The following DIAPH3 variants were observed in gnomAD, a reference collection of about 807,000 sequenced individuals.
The protein encoded by DIAPH3 is protein diaphanous homolog 3.
A neutral mutation model predicts 144.3 loss-of-function variants in DIAPH3; 117 were observed. That is an observed-to-expected ratio of 0.81 (90% CI 0.70 to 0.95). The LOEUF (loss-of-function observed/expected upper bound fraction) is 0.95, where lower values mean the gene tolerates loss of function less well. Among genes scored for constraint, DIAPH3 ranks in the 40% least tolerant of loss-of-function variants. DIAPH3 has a pLI of 0.00. For missense variants in DIAPH3, 1,421 were observed against 1,412.7 expected, an observed-to-expected ratio of 1.01 and a Z score of -0.09; for synonymous variants, 519 against 488.9, an observed-to-expected ratio of 1.06 and a Z score of -0.81.
At chr13:59,862,682 C>T (rs1052282055) in intron 21 of DIAPH3, among the ~76,000 whole-genome samples, 1 of 152,136 alleles carries the variant, frequency 6.6e-6, no homozygotes, top group African/African-American at 2.4e-5. Context: ...AAAGAATATA[C>T]ATTTATCTAT....
At chr13:60,050,601 G>A (rs945940300) in intron 4 of DIAPH3, among the ~76,000 whole-genome samples, 2 of 152,168 alleles carry the variant, frequency 1.3e-5, no homozygotes, top group African/African-American at 4.8e-5. Flanking sequence ...AGATGCAACT[G>A]AGACCATATG....
At chr13:59,782,288 C>T (rs996846258) in intron 25 of DIAPH3, among the ~76,000 whole-genome samples, 3 of 152,014 alleles carry the variant, frequency 2.0e-5, no homozygotes, top group Admixed American at 2.0e-4. Flanking sequence ...AGGGGTAATC[C>T]ACACAAGGTG....
intron 4 of DIAPH3, among the ~76,000 whole-genome samples, chr13:60,080,981 C>T (rs1404157409): frequency 6.6e-6 from 1 of 151,910 alleles, no homozygotes; most frequent in African/African-American, 2.4e-5. Flanking sequence ...ATCTGAGAAA[C>T]ATGATTCTGA....
intron 25 of DIAPH3, among the ~76,000 whole-genome samples, chr13:59,780,930 T>G (rs887041757): frequency 1.3e-5 from 2 of 152,160 alleles, no homozygotes; most frequent in African/African-American, 4.8e-5. Flanking sequence ...TTTTTGGAAG[T>G]CATTTCCATA....
chr13:60,047,603 T>C (rs1053592318), intron 4 of DIAPH3, among the ~76,000 whole-genome samples: 1 of 152,244 alleles, frequency 6.6e-6, no homozygotes, highest in African/African-American at 2.4e-5. Flanking sequence ...GCTAGAACAA[T>C]TGGACTTTCA....
At position 59,835,358 on chromosome 13, in the gene DIAPH3, T is replaced by C. The variant is rs565890265; in HGVS notation, c.2863-2087A>G. ...CAGATTTTTAACATAGTAATAAGTA[T>C]GATGTAGAAAAAAAATATGATATTA... On this transcript the variant is annotated intron_variant, in intron 23 of 27. Transcript: ENST00000400324. 9.3e-5 allele frequency among the ~76,000 whole-genome samples: 14 copies of C among 151,088 alleles called. No homozygotes were observed. The East Asian group carries it at 2.6e-3, about 28-fold the overall frequency.
chr13:59,804,916 T>G (rs565398296), intron 25 of DIAPH3, among the ~76,000 whole-genome samples: 1 of 152,172 alleles, frequency 6.6e-6, no homozygotes, highest in Non-Finnish European at 1.5e-5. Flanking sequence ...CATTCCGAAG[T>G]AGAATTTATG....
At chr13:59,905,342 C>CAAAAAAAAAAAAAAAAAAAAAA (rs59114311) in intron 20 of DIAPH3, among the ~76,000 whole-genome samples, 2 of 69,758 alleles carry the variant, frequency 2.9e-5, no homozygotes, top group Admixed American at 1.9e-4. Flanking sequence ...GACTCTGTCT[C>CAAAAAAAAAAAAAAAAAAAAAA]AAAAAAAAAA....
At chr13:59,744,240 C>T (rs999430655) in intron 27 of DIAPH3, among the ~76,000 whole-genome samples, 2 of 152,130 alleles carry the variant, frequency 1.3e-5, no homozygotes, top group Non-Finnish European at 2.9e-5. Context: ...GACATGATAT[C>T]CAATTATTGC....
At chr13:59,857,169 A>T (rs2043305472) in intron 22 of DIAPH3, among the ~76,000 whole-genome samples, 1 of 152,190 alleles carries the variant, frequency 6.6e-6, no homozygotes, top group Admixed American at 6.6e-5. Context: ...CTATAGCAAC[A>T]AAGAGGTTAA....
chr13:60,046,705 A>G (rs2056085213), intron 4 of DIAPH3, among the ~76,000 whole-genome samples: 1 of 152,188 alleles, frequency 6.6e-6, no homozygotes, highest in Non-Finnish European at 1.5e-5. Context: ...CACAATAGCA[A>G]AGACTTGGAA....
chr13:60,064,547 A>G (rs1034294169), intron 4 of DIAPH3, among the ~76,000 whole-genome samples: 1 of 152,162 alleles, frequency 6.6e-6, no homozygotes, highest in African/African-American at 2.4e-5. Context: ...CACCTCTCTC[A>G]GCCTTCATAA....
chr13:60,053,018 T>C (rs1260882018), intron 4 of DIAPH3, among the ~76,000 whole-genome samples: 2 of 123,736 alleles, frequency 1.6e-5, no homozygotes, highest in Non-Finnish European at 3.4e-5. Context: ...CACACACACC[T>C]CTTAAATTAA....
At chr13:59,852,667 T>C (rs1160252418) in intron 22 of DIAPH3, among the ~76,000 whole-genome samples, 6 of 152,216 alleles carry the variant, frequency 3.9e-5, no homozygotes, top group African/African-American at 1.2e-4. Flanking sequence ...CTTATGTAAC[T>C]GCATGTGTAT....
chr13:59,859,654 C>G (rs1278218431), intron 22 of DIAPH3, among the ~76,000 whole-genome samples: 2 of 152,136 alleles, frequency 1.3e-5, no homozygotes, highest in East Asian at 1.9e-4. Context: ...TAATGTCCAT[C>G]AAGAATACTC....
chr13:59,920,858 A>T (rs1219537468), intron 18 of DIAPH3, among the ~76,000 whole-genome samples: 2 of 151,928 alleles, frequency 1.3e-5, no homozygotes, highest in African/African-American at 4.8e-5. Flanking sequence ...ACATGTCTTA[A>T]CAAATTTAAG....
At chr13:59,787,577 TAAC>T (rs143718853) in intron 25 of DIAPH3, among the ~76,000 whole-genome samples, 6,471 of 152,114 alleles carry the variant, frequency 0.043, 230 homozygotes, top group South Asian at 0.1. Context: ...AATCAAATAA[TAAC>T]AAACTGTACA....
chr13:60,036,322 T>C (rs758094394), intron 5 of DIAPH3, among the ~76,000 whole-genome samples: 4 of 152,190 alleles, frequency 2.6e-5, no homozygotes, highest in Non-Finnish European at 4.4e-5. Context: ...CACTGTCTAA[T>C]AGAATTGCTT....
At chr13:60,155,587 ATGCCTGG>A (rs1301772890) in intron 1 of DIAPH3, among the ~76,000 whole-genome samples, 1 of 152,218 alleles carries the variant, frequency 6.6e-6, no homozygotes, top group Non-Finnish European at 1.5e-5. Context: ...GAAGCTTACA[ATGCCTGG>A]TGTGTGTTAG....
Sources: gnomAD v4.1 joint callset for allele counts (sites outside exome capture counted in the v4.1 genomes callset) on GRCh38, gnomAD v4.1.1 for gene constraint, MANE v1.5 for transcripts, NCBI Gene and HGNC (gene_info 2026-07-23, HGNC 2026-07-21) for gene names.